TNR: variants seen among roughly 807,000 people sequenced by gnomAD.
The protein encoded by TNR is tenascin R.
In TNR, 45 loss-of-function variants were observed where a neutral mutation model predicts 150.4. That is an observed-to-expected ratio of 0.30 (90% CI 0.24 to 0.38). The LOEUF is 0.38. Ranked by LOEUF, TNR falls within the 10% of genes least tolerant of loss-of-function variation. The pLI is 1.00. For missense variants in TNR, 1,544 were observed against 1,759.1 expected, an observed-to-expected ratio of 0.88 and a Z score of 2.19; for synonymous variants, 687 against 678.4, an observed-to-expected ratio of 1.01 and a Z score of -0.20.
chr1:175,331,069 CTT>C (rs1389819862), intron 20 of TNR, among the ~76,000 whole-genome samples: 34 of 127,614 alleles, frequency 2.7e-4, no homozygotes, highest in Admixed American at 8.4e-4. Flanking sequence ...TTCTTTCTTT[CTT>C]TCTTTCCTTC....
chr1:175,378,276 GC>G (rs756731700), intron 9 of TNR, among the ~76,000 whole-genome samples: 6 of 151,728 alleles, frequency 4.0e-5, no homozygotes, highest in Non-Finnish European at 8.8e-5. Context: ...TGCAATCCAT[GC>G]CCAAGTCATA....
chr1:175,542,365 G>A (rs753446732), intron 1 of TNR, among the ~76,000 whole-genome samples: 22 of 152,106 alleles, frequency 1.4e-4, no homozygotes, highest in South Asian at 6.2e-4. Flanking sequence ...AGCCCACCTC[G>A]GGTTCCTGTG....
chr1:175,521,814 C>A (rs1659652309), intron 2 of TNR, among the ~76,000 whole-genome samples: 1 of 152,084 alleles, frequency 6.6e-6, no homozygotes, highest in Non-Finnish European at 1.5e-5. Flanking sequence ...TGACACTTGC[C>A]CTGTTTCTGC....
chr1:175,551,537 C>T (rs1357897722), intron 1 of TNR, among the ~76,000 whole-genome samples: 9 of 152,160 alleles, frequency 5.9e-5, no homozygotes, highest in Admixed American at 5.9e-4. Flanking sequence ...GTGTTGCAGA[C>T]TTAGAAAGCA....
chr1:175,521,685 G>A (rs1007981338), intron 2 of TNR, among the ~76,000 whole-genome samples: 1 of 151,852 alleles, frequency 6.6e-6, no homozygotes, highest in East Asian at 1.9e-4. Context: ...CATAGTCTGA[G>A]GTGTCATGCT....
chr1:175,697,777 C>T (rs1246441001), intron 1 of TNR, among the ~76,000 whole-genome samples: 1 of 152,244 alleles, frequency 6.6e-6, no homozygotes, highest in African/African-American at 2.4e-5. Flanking sequence ...CCAGCCAACC[C>T]TCCTGAGTCC....
chr1:175,332,074 T>G (rs955249650), intron 20 of TNR, among the ~76,000 whole-genome samples: 4 of 152,194 alleles, frequency 2.6e-5, no homozygotes, highest in African/African-American at 7.2e-5. Context: ...GGCAGATAGA[T>G]CCATCCCCCA....
Position 175,622,307 on chromosome 1 carries a change from T to A in TNR, c.-164-93938A>T, listed in dbSNP as rs141389885. On this transcript the variant is annotated intron_variant, in intron 1 of 22. Coordinates refer to ENST00000367674, the MANE Select transcript of TNR (RefSeq NM_003285.3). ...CAGCAGGGAATCAGGTGTTTGCAGG[T>A]ACATGGCAGAGCTGGGGCACCAGGC... Among the ~76,000 whole-genome samples, 861 of 152,316 alleles carry A rather than the reference T, an allele frequency of 5.7e-3. 6 individuals are homozygous for A. The highest frequency in any genetic ancestry group is 0.014 in the Middle Eastern group (4 of 294).
intron 20 of TNR, 31 bp from the exon 21 acceptor site, chr1:175,330,266 C>T: frequency 6.7e-7 from 1 of 1,482,188 alleles, no homozygotes; most frequent in Non-Finnish European, 9.1e-7. Context: ...TGCACTGAGA[C>T]TGGCCCCCAG....
At chr1:175,721,283 CTTGA>C (rs1337040643) in intron 1 of TNR, among the ~76,000 whole-genome samples, 3 of 152,246 alleles carry the variant, frequency 2.0e-5, no homozygotes, top group South Asian at 2.1e-4. Flanking sequence ...AATAATCTTA[CTTGA>C]TTATTTGTTT....
At chr1:175,372,562 C>T (rs1225366856) in intron 9 of TNR, among the ~76,000 whole-genome samples, 1 of 152,228 alleles carries the variant, frequency 6.6e-6, no homozygotes, top group Non-Finnish European at 1.5e-5. Flanking sequence ...CAGGAGTTAG[C>T]ACATTCTCAC....
At chr1:175,593,098 T>G (rs1415063104) in intron 1 of TNR, among the ~76,000 whole-genome samples, 1 of 152,152 alleles carries the variant, frequency 6.6e-6, no homozygotes, top group Admixed American at 6.5e-5. Context: ...CCAAAGAGAA[T>G]CAATAGTGGC....
intron 1 of TNR, among the ~76,000 whole-genome samples, chr1:175,738,531 C>T (rs1004746085): frequency 2.0e-5 from 3 of 152,086 alleles, no homozygotes; most frequent in Admixed American, 6.6e-5. Context: ...GGAGAATTAG[C>T]GTTTACTGTG....
chr1:175,370,429 G>A (rs1279746887), intron 9 of TNR, among the ~76,000 whole-genome samples: 1 of 132,098 alleles, frequency 7.6e-6, no homozygotes, highest in Non-Finnish European at 1.5e-5. Context: ...GGTCCTGGGT[G>A]CACCTGTTGA....
At chr1:175,386,874 A>G (rs1652962018) in intron 7 of TNR, among the ~76,000 whole-genome samples, 1 of 152,238 alleles carries the variant, frequency 6.6e-6, no homozygotes, top group Non-Finnish European at 1.5e-5. Context: ...GACATGAAAC[A>G]TGCCTTCTGG....
chr1:175,611,836 A>T lies in TNR; in HGVS notation c.-164-83467T>A, dbSNP rs372634826. 2.6e-5 allele frequency among the ~76,000 whole-genome samples: 4 copies of T among 152,364 alleles called. No individual in the cohort carries two copies. The South Asian group carries it at 6.2e-4, about 24-fold the overall frequency. On this transcript the variant is annotated intron_variant, in intron 1 of 22. Coordinates refer to ENST00000367674, the MANE Select transcript of TNR (RefSeq NM_003285.3). ...AAGAGCAAAGGAAACAGACCTATAA[A>T]GTAATATAGCACAACATGATTAATC...
intron 2 of TNR, among the ~76,000 whole-genome samples, chr1:175,483,242 G>C (rs889441250): frequency 6.6e-6 from 1 of 152,184 alleles, no homozygotes. Flanking sequence ...CTATGAGAGA[G>C]GTGCAGTGAG....
intron 8 of TNR, among the ~76,000 whole-genome samples, chr1:175,381,093 C>T (rs1017258990): frequency 6.6e-6 from 1 of 152,340 alleles, no homozygotes; most frequent in African/African-American, 2.4e-5. Context: ...TGTACTTTAG[C>T]TTGCCAGATA....
At chr1:175,615,472 G>A (rs1030223513) in intron 1 of TNR, among the ~76,000 whole-genome samples, 1 of 152,206 alleles carries the variant, frequency 6.6e-6, no homozygotes, top group African/African-American at 2.4e-5. Flanking sequence ...TCCACGTCCT[G>A]CCCCTTACAC....
Sources: gnomAD v4.1 joint callset for allele counts (sites outside exome capture counted in the v4.1 genomes callset) on GRCh38, gnomAD v4.1.1 for gene constraint, MANE v1.5 for transcripts, NCBI Gene and HGNC (gene_info 2026-07-23, HGNC 2026-07-21) for gene names.